Variants in LHX8 observed in about 807,000 individuals in gnomAD.
The protein encoded by LHX8 is LIM homeobox 8.
Under a neutral mutation model 40.3 loss-of-function variants are expected in LHX8, and 12 were observed. The observed-to-expected ratio is 0.30, with a 90% CI of 0.19 to 0.48. The LOEUF (loss-of-function observed/expected upper bound fraction) is 0.48. LHX8 is among the 20% of genes least tolerant of loss of function. The pLI, the probability that LHX8 is intolerant of heterozygous loss-of-function variation, is 0.99. For missense variants in LHX8, 344 were observed against 433.7 expected (o/e 0.79, Z 1.84); for synonymous variants, 179 against 162.0 (o/e 1.10, Z -0.80).
upstream of LHX8, chr1:75,130,524 G>A (rs2100322047): frequency 1.5e-6 from 1 of 664,940 alleles, no homozygotes; most frequent in East Asian, 2.6e-5. Flanking sequence ...CTCAGTCTTG[G>A]CCCACAGTGG....
At chr1:75,146,443 A>G (rs1441821787) in intron 6 of LHX8, among the ~76,000 whole-genome samples, 1 of 152,214 alleles carries the variant, frequency 6.6e-6, no homozygotes, top group Non-Finnish European at 1.5e-5. Context: ...TGCTTATTCT[A>G]TGTAGAAGCA....
At chr1:75,140,738 G>A (rs750385632) in intron 3 of LHX8, among the ~76,000 whole-genome samples, 9 of 152,016 alleles carry the variant, frequency 5.9e-5, no homozygotes, top group Non-Finnish European at 1.2e-4. Context: ...CAAAGGAATA[G>A]AAAATATTAT....
the LHX8 span, among the ~76,000 whole-genome samples, chr1:75,171,415 T>TTTATTA: frequency 3.9e-4 from 59 of 150,254 alleles, no homozygotes; most frequent in African/African-American, 9.5e-4. Flanking sequence ...GGGCCAAATT[T>TTTATTA]TTATTATTAT....
chr1:75,141,574 A>C (rs1648312291), intron 4 of LHX8, among the ~76,000 whole-genome samples: 1 of 152,148 alleles, frequency 6.6e-6, no homozygotes, highest in Non-Finnish European at 1.5e-5. Context: ...ACACCATGAT[A>C]AACTGTAGTA....
intron 7 of LHX8, among the ~76,000 whole-genome samples, chr1:75,156,050 T>G (rs1648755259): frequency 6.6e-6 from 1 of 151,996 alleles, no homozygotes; most frequent in African/African-American, 2.4e-5. Flanking sequence ...TGCTTTTCCT[T>G]TTGTCCTAAA....
the LHX8 span, among the ~76,000 whole-genome samples, chr1:75,179,934 C>A: frequency 6.6e-6 from 1 of 152,114 alleles, no homozygotes; most frequent in Admixed American, 6.5e-5. Context: ...GATTTTATTT[C>A]TCCTTCATTT....
the LHX8 span, among the ~76,000 whole-genome samples, chr1:75,178,856 G>T: frequency 6.2e-3 from 938 of 152,308 alleles, 12 homozygotes; most frequent in African/African-American, 0.021. Flanking sequence ...TTCTCCCAGA[G>T]ATTCTGATAC....
chr1:75,154,481 T>A (rs1015515163), intron 7 of LHX8, among the ~76,000 whole-genome samples: 7 of 152,038 alleles, frequency 4.6e-5, no homozygotes, highest in African/African-American at 1.2e-4. Flanking sequence ...GACAAAAAGA[T>A]ACTTTGAAGA....
chr1:75,191,617 A>G, the LHX8 span, among the ~76,000 whole-genome samples: 1 of 152,166 alleles, frequency 6.6e-6, no homozygotes, highest in African/African-American at 2.4e-5. Flanking sequence ...GGGAAAACAC[A>G]GTTAAGAGGT....
intron 3 of LHX8, among the ~76,000 whole-genome samples, chr1:75,137,462 T>C (rs549386122): frequency 1.3e-5 from 2 of 152,286 alleles, no homozygotes; most frequent in African/African-American, 4.8e-5. Flanking sequence ...TTCTATGTCG[T>C]TGCAAAACAG....
rs759144207 is a variant in LHX8, at chr1:75,143,078, G to C, written c.360-40G>C. 17 of 1,470,030 alleles carry C rather than the reference G, an allele frequency of 1.2e-5. 1 individual carries two copies. In the African/African-American group the frequency reaches 1.2e-4, roughly 11 times the overall value. The allele number at this position is 1,470,030 out of a possible 1,614,324, so 91.1% of individuals were successfully genotyped here. The stretch of plus-strand genomic sequence containing the variant: ...ATTCGACTGATGAATATCTCACCAG[G>C]CATTAAAATATTTACCTTCCACACC... On this transcript the variant is annotated intron_variant, in intron 4 of 8. Transcript: ENST00000356261.
intron 7 of LHX8, among the ~76,000 whole-genome samples, chr1:75,156,376 G>A (rs541786220): frequency 5.1e-4 from 78 of 152,164 alleles, no homozygotes; most frequent in African/African-American, 1.9e-3. Context: ...CGAGTAGCTA[G>A]GATTATAGGT....
intron 7 of LHX8, among the ~76,000 whole-genome samples, chr1:75,149,319 C>T (rs935213888): frequency 6.6e-6 from 1 of 152,068 alleles, no homozygotes; most frequent in Admixed American, 6.6e-5. Flanking sequence ...GTTGGAGAGG[C>T]CTGTGAATGC....
the LHX8 span, among the ~76,000 whole-genome samples, chr1:75,190,019 A>G: frequency 6.6e-6 from 1 of 152,194 alleles, no homozygotes; most frequent in Admixed American, 6.5e-5. Context: ...CCAGTTGCTC[A>G]CAGCCAAAGG....
Position 75,143,955 on chromosome 1 carries a change from A to G in LHX8, c.684+7A>G. The G allele has an allele frequency of 6.2e-7, 1 of 1,611,248 alleles. No homozygotes were observed. The highest frequency in any genetic ancestry group is 2.2e-5 in the East Asian group (1 of 44,840). ...TACAGCAGATCAGCTTCAGGTAAGC[A>G]TAACAATGAATTTTTTATTTTTGAA... On this transcript the variant is annotated splice_region_variant and intron_variant, in intron 6 of 8. Coordinates refer to ENST00000356261, the MANE Select transcript of LHX8 (RefSeq NM_001256114.2).
the LHX8 span, among the ~76,000 whole-genome samples, chr1:75,173,508 G>A: frequency 4.1e-5 from 6 of 147,110 alleles, no homozygotes; most frequent in Admixed American, 2.1e-4. Flanking sequence ...TCAGCCTCCC[G>A]AGTAGCTGGG....
At chr1:75,167,426 C>G in the LHX8 span, among the ~76,000 whole-genome samples, 1 of 152,052 alleles carries the variant, frequency 6.6e-6, no homozygotes, top group Non-Finnish European at 1.5e-5. Flanking sequence ...CTCCTAACAC[C>G]AGAGGAAAAA....
the LHX8 span, among the ~76,000 whole-genome samples, chr1:75,188,160 T>TTTG: frequency 5.9e-5 from 9 of 152,106 alleles, no homozygotes; most frequent in African/African-American, 1.9e-4. Flanking sequence ...AAATTACTGT[T>TTTG]TTGTTGTTGT....
chr1:75,138,985 A>C (rs770454799), intron 3 of LHX8, among the ~76,000 whole-genome samples: 1 of 152,108 alleles, frequency 6.6e-6, no homozygotes, highest in Non-Finnish European at 1.5e-5. Flanking sequence ...CTGAATTATT[A>C]ACCTTTATTT....
Sources: gnomAD v4.1 joint callset for allele counts (sites outside exome capture counted in the v4.1 genomes callset) on GRCh38, gnomAD v4.1.1 for gene constraint, MANE v1.5 for transcripts, NCBI Gene and HGNC (gene_info 2026-07-23, HGNC 2026-07-21) for gene names.